Variants in ACSF3 observed in about 807,000 individuals in gnomAD.
ACSF3 encodes malonate--CoA ligase ACSF3, mitochondrial.
A neutral mutation model predicts 53.2 loss-of-function variants in ACSF3; 78 were observed. That is an observed-to-expected ratio of 1.47 (90% CI 1.22 to 1.77). The LOEUF is 1.77. ACSF3 is among the 40% of genes most tolerant of loss of function. The pLI, the probability that ACSF3 is intolerant of heterozygous loss-of-function variation, is 0.00. For synonymous variants in ACSF3, 414 were observed against 333.1 expected, an observed-to-expected ratio of 1.24 and a Z score of -2.65; for missense variants, 937 against 771.1, an observed-to-expected ratio of 1.22 and a Z score of -2.55.
intron 6 of ACSF3, 38 bp from the exon 7 acceptor site, chr16:89,120,763 A>G (rs770075411): frequency 6.3e-7 from 1 of 1,594,042 alleles, no homozygotes; most frequent in Non-Finnish European, 8.6e-7. Flanking sequence ...GGTTCCTCTC[A>G]CTCCAGCCTC....
At position 89,151,611 on chromosome 16, in the gene ACSF3, A is replaced by AT. The variant is rs756846678; in HGVS notation, c.1614-2465dup. The AT allele has an allele frequency of 8.1e-3, 556 of 68,458 alleles. 1 individual carries two copies. The highest frequency in any genetic ancestry group is 0.024 in the South Asian group (74 of 3,094). 4.2% of individuals were successfully genotyped at this position (68,458 alleles called of 1,614,324 possible). The stretch of plus-strand genomic sequence containing the variant: ...AATCAGTCTGTGTAATTCACCATAT[A>AT]TTTTTTTTTTTTTTGGATGGAGTCT... On this transcript the variant is annotated intron_variant, in intron 10 of 10. Coordinates refer to ENST00000614302, the MANE Select transcript of ACSF3 (RefSeq NM_001243279.3).
At chr16:89,099,392 T>C (rs1438671611) in intron 2 of ACSF3, among the ~76,000 whole-genome samples, 1 of 152,210 alleles carries the variant, frequency 6.6e-6, no homozygotes, top group Non-Finnish European at 1.5e-5. Flanking sequence ...TCCTGCTGAT[T>C]TATTTGTTAT....
chr16:89,124,311 ATG>A (rs1289255758), intron 7 of ACSF3, among the ~76,000 whole-genome samples: 2 of 152,096 alleles, frequency 1.3e-5, no homozygotes, highest in Non-Finnish European at 2.9e-5. Flanking sequence ...CACTGCATAT[ATG>A]TGTGTGTGAG....
intron 7 of ACSF3, among the ~76,000 whole-genome samples, chr16:89,123,290 G>T (rs1306181888): frequency 6.6e-6 from 1 of 152,204 alleles, no homozygotes; most frequent in Non-Finnish European, 1.5e-5. Flanking sequence ...ACCAGGTGAT[G>T]ATGGGCGCTG....
chr16:89,117,085 A>T (rs1156277117), intron 6 of ACSF3, among the ~76,000 whole-genome samples: 3 of 152,198 alleles, frequency 2.0e-5, no homozygotes, highest in Non-Finnish European at 4.4e-5. Context: ...TGCAGGCTGC[A>T]GGCAAGTGAG....
chr16:89,124,017 G>T (rs914969347), intron 7 of ACSF3, among the ~76,000 whole-genome samples: 1 of 73,598 alleles, frequency 1.4e-5, no homozygotes, highest in African/African-American at 4.1e-5. Flanking sequence ...GGTATCACAC[G>T]CACGCAGTGT....
chr16:89,107,606 C>G (rs1976164337), intron 4 of ACSF3, among the ~76,000 whole-genome samples: 4 of 152,256 alleles, frequency 2.6e-5, no homozygotes, highest in Admixed American at 2.6e-4. Context: ...CCACAGTGCG[C>G]TTATCCATTC....
Position 89,155,220 on chromosome 16 carries a change from G to C in ACSF3, c.*1013G>C, listed in dbSNP as rs75531939. The C allele has an allele frequency of 0.01, 4,682 of 454,128 alleles. 291 individuals carry two copies. The highest frequency in any genetic ancestry group is 0.094 in the Admixed American group (4,013 of 42,582). The allele number at this position is 454,128 out of a possible 1,614,324, so 28.1% of individuals were successfully genotyped here. A position where few individuals can be genotyped will look rare whatever the true frequency, so the allele number is the denominator to read the frequency against. On this transcript the variant is annotated 3_prime_UTR_variant, in exon 11 of 11. Transcript: ENST00000614302. Reference sequence around the variant, plus strand: ...ATAGGCTGCCTCCTCCCCACAGCCTGGGGGAAGTAACAGTCATCGCCCAGC... The same window carrying C: ...ATAGGCTGCCTCCTCCCCACAGCCTCGGGGAAGTAACAGTCATCGCCCAGC...
intron 8 of ACSF3, among the ~76,000 whole-genome samples, chr16:89,134,700 T>C (rs899653060): frequency 3.9e-5 from 6 of 152,228 alleles, no homozygotes; most frequent in African/African-American, 1.4e-4. Context: ...AGATAGATGA[T>C]TGGCTATTGT....
Position 89,146,042 on chromosome 16 carries a change from T to G in ACSF3, c.1606T>G (p.Trp536Gly), listed in dbSNP as rs1351662539. ...ACTGTCCCACAGGGAGCTCAAAGAG[T>G]GGGCCAGGTAGGGCTGGGTGGGGCG... ...HSLSHRELKE[W>G]ARNVLAPYAV... is the part of the protein sequence containing the mutation. The change falls in exon 10 of 11, where the codon TGG becomes GGG. Residue 536 changes from tryptophan (W) to glycine (G), a missense_variant. Coordinates refer to ENST00000614302, the MANE Select transcript of ACSF3 (RefSeq NM_001243279.3). 251 of 468,180 alleles carry G rather than the reference T, an allele frequency of 5.4e-4. No homozygotes were observed. Among genetic ancestry groups the G allele is most frequent in the Non-Finnish European group, 6.7e-4 (165 of 245,956 alleles). 29.0% of individuals were successfully genotyped at this position (468,180 alleles called of 1,614,324 possible).
intron 8 of ACSF3, among the ~76,000 whole-genome samples, chr16:89,138,202 C>G (rs1911020365): frequency 6.6e-6 from 1 of 152,214 alleles, no homozygotes; most frequent in African/African-American, 2.4e-5. Context: ...CACAGCCTCT[C>G]CCTGTGGTAA....
intron 6 of ACSF3, among the ~76,000 whole-genome samples, chr16:89,117,444 G>C (rs550626160): frequency 1.3e-5 from 2 of 152,172 alleles, no homozygotes; most frequent in African/African-American, 4.8e-5. Flanking sequence ...AGGCTGAGAA[G>C]CTGAAATCAG....
Position 89,155,413 on chromosome 16 carries a change from C to T in ACSF3, c.*1206C>T, listed in dbSNP as rs761710234. ...CTCACATGCCTCGCGGACAGTTGGACGTGGCCTGGGGCCCCTGCTCACTTG... is the reference window on the plus strand; with the variant it reads ...CTCACATGCCTCGCGGACAGTTGGATGTGGCCTGGGGCCCCTGCTCACTTG... On this transcript the variant is annotated 3_prime_UTR_variant, in exon 11 of 11. Coordinates refer to ENST00000614302, the MANE Select transcript of ACSF3 (RefSeq NM_001243279.3). 3.3e-5 allele frequency: 15 copies of T among 453,838 alleles called. No homozygotes were observed. Among genetic ancestry groups the T allele is most frequent in the East Asian group, 6.9e-5 (1 of 14,410 alleles). 28.1% of individuals were successfully genotyped at this position (453,838 alleles called of 1,614,324 possible).
rs189625890 is a variant in ACSF3 at position 89,098,761 on chromosome 16, T to C, written c.-23T>C. Reference sequence around the variant, plus strand: ...TACCTCCTCTCTCTGGCTCGGGAGCTGGGTGAGTTTGAACTTGGCCTCCTT... The same window carrying C: ...TACCTCCTCTCTCTGGCTCGGGAGCCGGGTGAGTTTGAACTTGGCCTCCTT... On this transcript the variant is annotated splice_region_variant and 5_prime_UTR_variant, in exon 2 of 11. Coordinates refer to ENST00000614302, the MANE Select transcript of ACSF3 (RefSeq NM_001243279.3). The C allele has an allele frequency of 2.7e-3, 1,225 of 454,162 alleles. 5 individuals carry two copies. The highest frequency in any genetic ancestry group is 4.4e-3 in the Non-Finnish European group (1,007 of 226,788). 28.1% of individuals were successfully genotyped at this position (454,162 alleles called of 1,614,324 possible). A position where few individuals can be genotyped will look rare whatever the true frequency, so the allele number is the denominator to read the frequency against.
At chr16:89,131,491 A>G (rs954256045) in intron 7 of ACSF3, among the ~76,000 whole-genome samples, 4 of 152,150 alleles carry the variant, frequency 2.6e-5, no homozygotes, top group African/African-American at 7.2e-5. Context: ...TTCTTTTTCT[A>G]TATGAGTTGC....
chr16:89,111,098 G>T (rs4782450), intron 4 of ACSF3, among the ~76,000 whole-genome samples: 109,783 of 152,130 alleles, frequency 0.72, 40,170 homozygotes, highest in Admixed American at 0.79. Flanking sequence ...TCTTTTCTTT[G>T]AAATTCCTTA....
chr16:89,136,252 T>C (rs1049102385), intron 8 of ACSF3, among the ~76,000 whole-genome samples: 2 of 152,266 alleles, frequency 1.3e-5, no homozygotes, highest in Non-Finnish European at 2.9e-5. Flanking sequence ...TGCTGAGGCA[T>C]GTTTCAGCCG....
chr16:89,141,761 G>C (rs550182916), intron 8 of ACSF3, among the ~76,000 whole-genome samples: 2 of 152,156 alleles, frequency 1.3e-5, no homozygotes, highest in Non-Finnish European at 2.9e-5. Context: ...GGCTGAGAGC[G>C]GCACCACCTT....
rs778249345 is a variant in ACSF3 at position 89,155,240 on chromosome 16, C to T, written c.*1033C>T. ...AGCCTGGGGGAAGTAACAGTCATCG[C>T]CCAGCAGTGTCTGGCCTGAACTTAC... On this transcript the variant is annotated 3_prime_UTR_variant, in exon 11 of 11. Coordinates refer to ENST00000614302, the MANE Select transcript of ACSF3 (RefSeq NM_001243279.3). 8.8e-6 allele frequency: 4 copies of T among 454,134 alleles called. No homozygotes were observed. Among genetic ancestry groups the T allele is most frequent in the Non-Finnish European group, 1.8e-5 (4 of 226,800 alleles). The allele number at this position is 454,134 out of a possible 1,614,324, so 28.1% of individuals were successfully genotyped here.
Sources: allele counts gnomAD v4.1 joint callset (sites outside exome capture counted in the v4.1 genomes callset), GRCh38; gene constraint gnomAD v4.1.1; transcripts MANE v1.5; gene names NCBI Gene and HGNC (gene_info 2026-07-23, HGNC 2026-07-21).